The following SSUH2 variants were observed in gnomAD, a reference collection of about 807,000 sequenced individuals.
The protein encoded by SSUH2 is protein SSUH2 homolog.
Under a neutral mutation model 55.3 loss-of-function variants are expected in SSUH2, and 47 were observed. The ratio of observed to expected loss-of-function variants is 0.85; its 90% CI spans 0.67 to 1.08. SSUH2 has a LOEUF of 1.08. SSUH2 is among the 50% of genes least tolerant of loss of function. The probability of loss-of-function intolerance (pLI) is 0.00; values close to 1 mark genes in which losing one functional copy is unlikely to be tolerated. For missense variants in SSUH2, 535 were observed against 490.7 expected (o/e 1.09, Z -0.85); for synonymous variants, 212 against 191.5 (o/e 1.11, Z -0.89).
At chr3:8,632,976 C>A (rs1382866857) in intron 4 of SSUH2, among the ~76,000 whole-genome samples, 1 of 152,142 alleles carries the variant, frequency 6.6e-6, no homozygotes, top group African/African-American at 2.4e-5. Context: ...GCTGCATCTT[C>A]TTGGGAAAAT....
Position 8,637,340 on chromosome 3 carries a change from C to T in SSUH2, c.29-1483G>A, listed in dbSNP as rs908059535. Among the ~76,000 whole-genome samples the T allele has an allele frequency of 6.6e-5, 10 of 152,286 alleles. No homozygotes were observed. The South Asian group carries it at 1.2e-3, about 19-fold the overall frequency. ...TTTTCAAAACCTCATCCTAGCCTGT[C>T]GGGTGTGACATAGATACAGGTGGCC... On this transcript the variant is annotated intron_variant, in intron 1 of 11. Coordinates refer to ENST00000544814, the MANE Select transcript of SSUH2 (RefSeq NM_001256748.3).
At position 8,664,183 on chromosome 3, in the gene SSUH2, C is replaced by T. The variant is rs552412023; in HGVS notation, c.-454-381G>A. On this transcript the variant is annotated intron_variant, in intron 5 of 18. Transcript: ENST00000317371. Reference sequence around the variant, plus strand: ...GACGGGGAGCCCAAGTGGATTGTTTCGAAGCTCCTAGAAAACGACCCTTGA... The same window carrying T: ...GACGGGGAGCCCAAGTGGATTGTTTTGAAGCTCCTAGAAAACGACCCTTGA... 6.6e-5 allele frequency among the ~76,000 whole-genome samples: 10 copies of T among 152,284 alleles called. No homozygotes were observed. In the South Asian group the frequency reaches 1.0e-3, roughly 16 times the overall value.
At chr3:8,656,307 G>T (rs950755194) in intron 7 of SSUH2, among the ~76,000 whole-genome samples, 2 of 152,206 alleles carry the variant, frequency 1.3e-5, no homozygotes, top group Non-Finnish European at 2.9e-5. Flanking sequence ...ACAAAGGTTT[G>T]GTCCAGGACA....
At chr3:8,644,219 T>A (rs181828350) in intron 1 of SSUH2, among the ~76,000 whole-genome samples, 1 of 152,162 alleles carries the variant, frequency 6.6e-6, no homozygotes, top group Non-Finnish European at 1.5e-5. Flanking sequence ...TAGAGAAAGA[T>A]CACGAGTGAA....
At chr3:8,675,974 T>C (rs184773896) in intron 3 of SSUH2, among the ~76,000 whole-genome samples, 9 of 152,174 alleles carry the variant, frequency 5.9e-5, no homozygotes, top group Admixed American at 2.6e-4. Flanking sequence ...TTCTAAAGGA[T>C]GGCCCCCCGT....
chr3:8,626,344 A>T (rs1322217327), intron 8 of SSUH2, 23 bp from the exon 9 acceptor site: 2 of 1,603,606 alleles, frequency 1.2e-6, no homozygotes, highest in South Asian at 2.2e-5. Context: ...CAGAGTCCGT[A>T]CCCCCAGATC....
chr3:8,651,624 C>T (rs1021602522), intron 7 of SSUH2, among the ~76,000 whole-genome samples: 2 of 152,126 alleles, frequency 1.3e-5, no homozygotes, highest in Non-Finnish European at 2.9e-5. Flanking sequence ...CTTGCAGAGA[C>T]CTTGATGGGT....
chr3:8,634,749 G>C (rs560311344), intron 3 of SSUH2: 1 of 395,846 alleles, frequency 2.5e-6, no homozygotes, highest in South Asian at 2.0e-5. Context: ...CCAGGTGAGA[G>C]GCTGGATTGA....
chr3:8,679,350 C>G (rs9843283), intron 2 of SSUH2, among the ~76,000 whole-genome samples: 39,571 of 59,838 alleles, frequency 0.66, 14,146 homozygotes, highest in East Asian at 0.78. Flanking sequence ...CTTGCTCTTC[C>G]GACCCCCATC....
rs768069226 is a variant in SSUH2 at position 8,626,241 on chromosome 3, A to AGT, written c.754_755insAC (p.Leu252HisfsTer83). 1 of 1,614,018 alleles carries AGT rather than the reference A, an allele frequency of 6.2e-7. No homozygotes were observed. The highest frequency in any genetic ancestry group is 8.5e-7 in the Non-Finnish European group (1 of 1,179,906). On this transcript the variant is annotated frameshift_variant, in exon 9 of 12. Transcript: ENST00000544814. LOFTEE classifies it high-confidence loss of function. Reference sequence around the variant, plus strand: ...CACTGCCACATACCACATGATGACAAGCTGGATGAAGTGCAACAGCTTCTT... The same window carrying AGT: ...CACTGCCACATACCACATGATGACAAGTGCTGGATGAAGTGCAACAGCTTCTT...
exon 5 of SSUH2, chr3:8,671,011 T>A (rs1704508438): frequency 2.4e-6 from 1 of 424,882 alleles, no homozygotes; most frequent in African/African-American, 2.0e-5. Context: ...CATTGGGACA[T>A]CAGTAGTAAC....
At chr3:8,674,965 G>C (rs1042096178) in intron 3 of SSUH2, among the ~76,000 whole-genome samples, 2 of 152,114 alleles carry the variant, frequency 1.3e-5, no homozygotes, top group African/African-American at 4.8e-5. Flanking sequence ...AGCTCTTCAA[G>C]GTATCCAGGT....
chr3:8,621,121 C>G (rs1276777921), intron 11 of SSUH2, among the ~76,000 whole-genome samples: 1 of 152,240 alleles, frequency 6.6e-6, no homozygotes, highest in Non-Finnish European at 1.5e-5. Flanking sequence ...TCCTGATCAT[C>G]TAAGCCAAGC....
rs1701437306 is a variant in SSUH2, at chr3:8,644,725, A to G, written c.28+6T>C. 2.0e-6 allele frequency: 3 copies of G among 1,535,892 alleles called. No homozygotes were observed. The highest frequency in any genetic ancestry group is 2.6e-6 in the Non-Finnish European group (3 of 1,146,712). On this transcript the variant is annotated splice_donor_region_variant and intron_variant, in intron 1 of 11. Transcript: ENST00000544814. ...TCTTCCGTGCCATCTTTGAGGCTCT[A>G]CTTACTGTCATCTTCATTCAGATCC...
At chr3:8,648,349 G>A (rs141473165), upstream of SSUH2, among the ~76,000 whole-genome samples, 66 of 152,308 alleles carry the variant, frequency 4.3e-4, 1 homozygote, top group East Asian at 9.7e-3. Context: ...GGGAAGGAGC[G>A]TGGCATGGTT....
chr3:8,678,650 G>GA (rs1159005463), intron 2 of SSUH2, among the ~76,000 whole-genome samples: 1 of 55,350 alleles, frequency 1.8e-5, no homozygotes, highest in Non-Finnish European at 3.9e-5. Flanking sequence ...ATCGCAGTGG[G>GA]GGGAGGCACC....
chr3:8,636,011 G>T (rs1469427039), intron 1 of SSUH2, among the ~76,000 whole-genome samples, 154 bp from the exon 2 acceptor site: 2 of 152,224 alleles, frequency 1.3e-5, no homozygotes, highest in Non-Finnish European at 2.9e-5. Context: ...GAATACATCT[G>T]CAGGGCAGGT....
chr3:8,679,224 C>A lies in SSUH2; in HGVS notation c.-901+481G>T, dbSNP rs1188480023. ...CCCATCGCAGGGGGGATGGCACCCT[C>A]CGTGAGCGGGGACTGAGAGCCAGCC... is the stretch of plus-strand genomic sequence containing the variant. On this transcript the variant is annotated intron_variant, in intron 2 of 18. Transcript: ENST00000317371. 2.9e-3 allele frequency among the ~76,000 whole-genome samples: 7 copies of A among 2,450 alleles called. 1 individual carries two copies. The highest frequency in any genetic ancestry group is 8.6e-3 in the Non-Finnish European group (7 of 810). 1.6% of individuals were successfully genotyped at this position (2,450 alleles called of 152,430 possible). A position where few individuals can be genotyped will look rare whatever the true frequency, so the allele number is the denominator to read the frequency against.
intron 5 of SSUH2, among the ~76,000 whole-genome samples, chr3:8,665,530 A>C (rs2125385140): frequency 1.3e-5 from 2 of 152,346 alleles, no homozygotes; most frequent in South Asian, 4.1e-4. Context: ...ACTCAGACTC[A>C]AGTCTTAGTT....
Sources: gnomAD v4.1 joint callset for allele counts (sites outside exome capture counted in the v4.1 genomes callset) on GRCh38, gnomAD v4.1.1 for gene constraint, MANE v1.5 for transcripts, NCBI Gene and HGNC (gene_info 2026-07-23, HGNC 2026-07-21) for gene names.